The following HERC5 variants were observed in gnomAD, a reference collection of about 807,000 sequenced individuals.
HERC5 encodes the protein HECT and RLD domain containing E3 ubiquitin protein ligase 5.
HERC5 carries 99 observed loss-of-function variants against 119.6 expected under a neutral mutation model. The observed-to-expected ratio is 0.83, with a 90% CI of 0.70 to 0.98. The LOEUF (loss-of-function observed/expected upper bound fraction) is 0.98. HERC5 is among the 50% of genes least tolerant of loss of function. The pLI is 0.00. For missense variants in HERC5, 1,267 were observed against 1,241.3 expected (o/e 1.02, Z -0.31); for synonymous variants, 478 against 445.9 (o/e 1.07, Z -0.91).
At position 88,457,218 on chromosome 4, in the gene HERC5, G is replaced by C. The variant is rs1740175846; in HGVS notation, c.-52G>C. On this transcript the variant is annotated 5_prime_UTR_variant, in exon 1 of 23. Coordinates refer to ENST00000264350, the MANE Select transcript of HERC5 (RefSeq NM_016323.4). ...AGGCAGTGGGCGCGCTCAGTCCCGG[G>C]ACCAGGCGTTCTCTCCTCTCGCCTC... The C allele has an allele frequency of 6.3e-6, 8 of 1,268,302 alleles. No individual in the cohort carries two copies. The highest frequency in any genetic ancestry group is 2.6e-5 in the South Asian group (1 of 39,080). The allele number at this position is 1,268,302 out of a possible 1,614,324, so 78.6% of individuals were successfully genotyped here. A position where few individuals can be genotyped will look rare whatever the true frequency, so the allele number is the denominator to read the frequency against.
Position 88,462,374 on chromosome 4 carries a change from A to G in HERC5, c.688+18A>G. 2 of 1,593,422 alleles carry G rather than the reference A, an allele frequency of 1.3e-6. No homozygotes were observed. The highest frequency in any genetic ancestry group is 1.7e-6 in the Non-Finnish European group (2 of 1,161,314). On this transcript the variant is annotated intron_variant, in intron 4 of 22. Transcript: ENST00000264350. Reference sequence around the variant, plus strand: ...CACTGAGAGTATGGAACACATTCTCAGATTCCTATTACCAACAGATATACT... The same window carrying G: ...CACTGAGAGTATGGAACACATTCTCGGATTCCTATTACCAACAGATATACT...
intron 11 of HERC5, among the ~76,000 whole-genome samples, chr4:88,475,326 T>C (rs1034937531): frequency 8.8e-6 from 1 of 113,362 alleles, no homozygotes; most frequent in African/African-American, 2.7e-5. Flanking sequence ...CTTTCTTTCT[T>C]TTTTTTTTTT....
intron 11 of HERC5, among the ~76,000 whole-genome samples, chr4:88,474,076 G>C (rs193004819): frequency 2.6e-3 from 403 of 152,312 alleles, no homozygotes; most frequent in Non-Finnish European, 4.6e-3. Flanking sequence ...GCACTGTAAT[G>C]ATGACTCGAT....
At chr4:88,504,474 T>G (rs535650452) in intron 21 of HERC5, 21 bp from the exon 22 acceptor site, 1 of 1,543,596 alleles carries the variant, frequency 6.5e-7, no homozygotes, top group East Asian at 2.3e-5. Context: ...CCTCAATAAC[T>G]TTTTTTTGTA....
intron 6 of HERC5, among the ~76,000 whole-genome samples, chr4:88,466,769 G>A (rs1191102740): frequency 6.6e-6 from 1 of 152,212 alleles, no homozygotes; most frequent in Non-Finnish European, 1.5e-5. Context: ...TCCAAGAGGT[G>A]GTGACTCAAA....
chr4:88,458,579 T>C (rs533103901), intron 1 of HERC5, among the ~76,000 whole-genome samples: 1 of 152,202 alleles, frequency 6.6e-6, no homozygotes, highest in African/African-American at 2.4e-5. Context: ...GTTAGTCTGC[T>C]GGACCATTTC....
rs913603032 is a variant in HERC5 at position 88,489,487 on chromosome 4, G to C, written c.2133+151G>C. On this transcript the variant is annotated intron_variant, in intron 16 of 22. Coordinates refer to ENST00000264350, the MANE Select transcript of HERC5 (RefSeq NM_016323.4). ...CCTCTGATTCCCTAGTTGCCTTTGA[G>C]TTTTGGGTGATAGCTGTGGGCACTC... is the stretch of plus-strand genomic sequence containing the variant. The C allele has an allele frequency of 1.5e-5, 11 of 736,126 alleles. No homozygotes were observed. The African/African-American group carries it at 2.0e-4, about 13-fold the overall frequency. The allele number at this position is 736,126 out of a possible 1,614,324, so 45.6% of individuals were successfully genotyped here.
chr4:88,505,074 T>C (rs1439474945), intron 22 of HERC5, among the ~76,000 whole-genome samples: 1 of 152,198 alleles, frequency 6.6e-6, no homozygotes, highest in Non-Finnish European at 1.5e-5. Flanking sequence ...ATAACATGTA[T>C]GTTAGAAGAT....
intron 7 of HERC5, 49 bp downstream of exon 7, chr4:88,467,253 A>G: frequency 1.3e-6 from 2 of 1,575,608 alleles, no homozygotes; most frequent in Non-Finnish European, 1.7e-6. Flanking sequence ...TTTTAGAGAA[A>G]ATGATTTTTC....
intron 7 of HERC5, chr4:88,467,731 C>A: frequency 6.1e-6 from 1 of 164,774 alleles, no homozygotes; most frequent in Non-Finnish European, 1.3e-5. Context: ...AAGGGTTAGC[C>A]ACTTAATCAT....
At chr4:88,497,097 A>C (rs765464469) in intron 18 of HERC5, among the ~76,000 whole-genome samples, 5 of 152,174 alleles carry the variant, frequency 3.3e-5, no homozygotes, top group Admixed American at 6.5e-5. Flanking sequence ...TGAGCAATAA[A>C]TTTCTATTTA....
At position 88,486,195 on chromosome 4, in the gene HERC5, A is replaced by C; in HGVS notation, c.1818A>C (p.Glu606Asp). 2 of 1,611,234 alleles carry C rather than the reference A, an allele frequency of 1.2e-6. No individual in the cohort carries two copies. Among genetic ancestry groups the C allele is most frequent in the Non-Finnish European group, 1.7e-6 (2 of 1,177,922 alleles). Reference sequence around the variant, plus strand: ...TGCACCGTCTCAATTTTTTTGTAGAAGTATGCAGAAGGTACTTGTGGAAAA... The same window carrying C: ...TGCACCGTCTCAATTTTTTTGTAGACGTATGCAGAAGGTACTTGTGGAAAA... ...ELLHRLNFFV[E>D]VCRRYLWKMT... Residue 606 changes from glutamate (E) to aspartate (D), a missense_variant, in exon 14 of 23, where the codon GAA becomes GAC. This residue lies in a region of HERC5 where 777 missense variants were observed against 758.0 expected (regional missense o/e 1.03). Coordinates refer to ENST00000264350, the MANE Select transcript of HERC5 (RefSeq NM_016323.4).
At chr4:88,463,805 CT>C in intron 5 of HERC5, 49 bp from the exon 6 acceptor site, 1 of 1,601,654 alleles carries the variant, frequency 6.2e-7, no homozygotes, top group Non-Finnish European at 8.5e-7. Context: ...GTGAATACTA[CT>C]TTTTTATTTT....
rs775090313 is a variant in HERC5, at chr4:88,457,577, G to C, written c.265+43G>C. 6.2e-5 allele frequency: 77 copies of C among 1,240,122 alleles called. No homozygotes were observed. In the African/African-American group the frequency reaches 8.7e-4, roughly 14 times the overall value. 76.8% of individuals were successfully genotyped at this position (1,240,122 alleles called of 1,614,324 possible). A position where few individuals can be genotyped will look rare whatever the true frequency, so the allele number is the denominator to read the frequency against. On this transcript the variant is annotated intron_variant, in intron 1 of 22. Coordinates refer to ENST00000264350, the MANE Select transcript of HERC5 (RefSeq NM_016323.4). ...GTGAGGGCTGTGAGGGCTGTGAGGG[G>C]TGAGGGCTGAGGGCTGTGAGGGGCG...
At chr4:88,461,021 A>G (rs1740421501) in intron 3 of HERC5, among the ~76,000 whole-genome samples, 1 of 152,112 alleles carries the variant, frequency 6.6e-6, no homozygotes, top group Non-Finnish European at 1.5e-5. Context: ...GAATGGAATA[A>G]TTAAGATAGA....
At chr4:88,493,282 G>A (rs969861411) in intron 17 of HERC5, 127 bp downstream of exon 17, 5 of 767,834 alleles carry the variant, frequency 6.5e-6, no homozygotes, top group Non-Finnish European at 9.9e-6. Context: ...TGGAGATAAT[G>A]TATAATTCTA....
At chr4:88,504,623 C>G in intron 22 of HERC5, 26 bp downstream of exon 22, 1 of 1,354,966 alleles carries the variant, frequency 7.4e-7, no homozygotes, top group Non-Finnish European at 1.0e-6. Flanking sequence ...AGGAATAGAT[C>G]TGTAATCGTA....
chr4:88,458,176 G>T (rs1740253263), intron 1 of HERC5: 1 of 651,840 alleles, frequency 1.5e-6, no homozygotes, highest in Non-Finnish European at 1.9e-6. Context: ...TATTTGTATG[G>T]AAGAGGTATT....
intron 12 of HERC5, among the ~76,000 whole-genome samples, chr4:88,476,505 ATAAG>A (rs1478516507): frequency 1.3e-5 from 2 of 152,242 alleles, no homozygotes; most frequent in African/African-American, 4.8e-5. Flanking sequence ...GTCAGCAATA[ATAAG>A]TATGTTGTCA....
Sources: gnomAD v4.1 joint callset for allele counts (sites outside exome capture counted in the v4.1 genomes callset) on GRCh38, gnomAD v4.1.1 for gene constraint, gnomAD v4.1.1 regional missense constraint, MANE v1.5 for transcripts, NCBI Gene and HGNC (gene_info 2026-07-23, HGNC 2026-07-21) for gene names.